PCDHGA4: variants seen among roughly 807,000 people sequenced by gnomAD.
PCDHGA4 encodes protocadherin gamma subfamily A, 4.
A neutral mutation model predicts 54.6 loss-of-function variants in PCDHGA4; 38 were observed. The observed-to-expected ratio is 0.70, with a 90% CI of 0.54 to 0.91. PCDHGA4 has a LOEUF of 0.91. Among genes scored for constraint, PCDHGA4 ranks in the 40% least tolerant of loss-of-function variants. The probability of loss-of-function intolerance (pLI) is 0.00; values close to 1 mark genes in which losing one functional copy is unlikely to be tolerated. For missense variants in PCDHGA4, 1,298 were observed against 1,220.9 expected, an observed-to-expected ratio of 1.06 and a Z score of -0.94; for synonymous variants, 511 against 512.9, an observed-to-expected ratio of 1.00 and a Z score of 0.05.
chr5:141,361,085 T>C (rs1370734809), intron 1 of PCDHGA4: 1 of 1,613,896 alleles, frequency 6.2e-7, no homozygotes, highest in Non-Finnish European at 8.5e-7. Flanking sequence ...AGTTACACTC[T>C]GAGTATCGAA....
Position 141,511,103 on chromosome 5 carries a change from A to G in PCDHGA4, c.2819A>G (p.Lys940Arg), listed in dbSNP as rs779731716. The G allele has an allele frequency of 6.2e-7, 1 of 1,614,214 alleles. No individual in the cohort carries two copies. The highest frequency in any genetic ancestry group is 8.5e-7 in the Non-Finnish European group (1 of 1,180,026). The change falls in exon 4 of 4, where the codon AAG becomes AGG. Residue 940 changes from lysine to arginine, a missense_variant. By Grantham distance (26) the Lys-to-Arg change is conservative. Coordinates refer to ENST00000571252, the MANE Select transcript of PCDHGA4 (RefSeq NM_018917.4). ...SNATLTNAAGKRDGKAPAGGN... is the reference protein window; with the variant it reads ...SNATLTNAAGRRDGKAPAGGN... ...GCCACACTGACCAACGCAGCTGGCA[A>G]GCGGGATGGCAAGGCCCCAGCAGGT...
intron 1 of PCDHGA4, chr5:141,375,548 T>C (rs748936121): frequency 1.1e-5 from 17 of 1,613,892 alleles, no homozygotes; most frequent in Non-Finnish European, 9.3e-6. Flanking sequence ...CCAAGTCTCC[T>C]ACTCACTGGC....
chr5:141,414,867 C>T (rs2095797355), intron 1 of PCDHGA4: 9 of 1,614,230 alleles, frequency 5.6e-6, no homozygotes, highest in South Asian at 1.1e-5. Flanking sequence ...ACAATGCGCC[C>T]GAGATCCTGT....
At chr5:141,366,088 C>G (rs752144187) in intron 1 of PCDHGA4, 2 of 1,614,256 alleles carry the variant, frequency 1.2e-6, no homozygotes, top group South Asian at 2.2e-5. Context: ...AACCTGGCTA[C>G]CTGGTGACCA....
Position 141,489,089 on chromosome 5 carries a change from A to G in PCDHGA4, c.2515-5718A>G. 5.6e-5 allele frequency: 16 copies of G among 284,404 alleles called. No individual in the cohort carries two copies. The highest frequency in any genetic ancestry group is 9.0e-5 in the Non-Finnish European group (14 of 156,416). The allele number at this position is 284,404 out of a possible 1,614,324, so 17.6% of individuals were successfully genotyped here. On this transcript the variant is annotated intron_variant, in intron 1 of 3. Coordinates refer to ENST00000571252, the MANE Select transcript of PCDHGA4 (RefSeq NM_018917.4). The surrounding 1 kb of genome is among the most constrained non-coding windows in gnomAD (Gnocchi z 4.5). ...CCCTGCCCACCCCCGCCACTCGGTG[A>G]CTAAGAACTGCTGCAAGCAGGCAAA...
At chr5:141,435,413 A>G (rs1422263053) in intron 1 of PCDHGA4, among the ~76,000 whole-genome samples, 1 of 152,122 alleles carries the variant, frequency 6.6e-6, no homozygotes, top group Admixed American at 6.5e-5. Flanking sequence ...GGTAAAGACT[A>G]TTTTTCACTT....
intron 1 of PCDHGA4, chr5:141,416,995 T>G (rs912921234): frequency 2.0e-5 from 3 of 151,486 alleles, no homozygotes; most frequent in Non-Finnish European, 2.9e-5. Flanking sequence ...TGTGCATTCA[T>G]CTCAAATAAT....
At chr5:141,359,845 CTT>C (rs1274862638) in intron 1 of PCDHGA4, among the ~76,000 whole-genome samples, 2 of 152,024 alleles carry the variant, frequency 1.3e-5, no homozygotes, top group African/African-American at 2.4e-5. Flanking sequence ...CAAATGAAGA[CTT>C]TATAAATTAA....
At chr5:141,402,947 G>A in intron 1 of PCDHGA4, 1 of 1,592,724 alleles carries the variant, frequency 6.3e-7, no homozygotes, top group South Asian at 1.1e-5. Flanking sequence ...CCAAAGCGAG[G>A]CAGCAATGGC....
rs1186240180 is a variant in PCDHGA4, at chr5:141,432,270, A to T, written c.2515-62537A>T. On this transcript the variant is annotated intron_variant, in intron 1 of 3. Transcript: ENST00000571252. The surrounding 1 kb of genome is among the most constrained non-coding windows in gnomAD (Gnocchi z 6.0). ...ATCCAAGGGGCAAGCCTATCGTCCT[A>T]CGTGTCCATCAACTCCGACACTGGG... 1 of 1,614,024 alleles carries T rather than the reference A, an allele frequency of 6.2e-7. No homozygotes were observed. The highest frequency in any genetic ancestry group is 8.5e-7 in the Non-Finnish European group (1 of 1,180,028).
intron 1 of PCDHGA4, chr5:141,419,926 G>C (rs1371764532): frequency 7.4e-6 from 12 of 1,613,978 alleles, no homozygotes; most frequent in Non-Finnish European, 8.5e-6. Flanking sequence ...CTGAGATGCA[G>C]TTTTACCTGG....
chr5:141,505,143 C>G lies in PCDHGA4; in HGVS notation c.2574-250C>G, dbSNP rs578261428. ...CGCCACTGCACTCCAGCCTGGATGA[C>G]AGAGTAAGACCCTGTCTAAAACAAA... On this transcript the variant is annotated intron_variant, in intron 2 of 3. Coordinates refer to ENST00000571252, the MANE Select transcript of PCDHGA4 (RefSeq NM_018917.4). Among the ~76,000 whole-genome samples the G allele has an allele frequency of 3.3e-5, 5 of 152,290 alleles. No homozygotes were observed. The East Asian group carries it at 7.7e-4, about 24-fold the overall frequency.
intron 1 of PCDHGA4, chr5:141,394,386 A>T (rs765454423): frequency 1.2e-6 from 2 of 1,614,210 alleles, no homozygotes; most frequent in South Asian, 1.1e-5. Context: ...CTATGAGCAG[A>T]TCCGAGACCT....
intron 3 of PCDHGA4, among the ~76,000 whole-genome samples, chr5:141,506,444 CA>C (rs1219684339): frequency 0.54 from 51,660 of 95,006 alleles, 10,715 homozygotes; most frequent in African/African-American, 0.61. Context: ...CGCTCTGTCT[CA>C]AAAAAAAAAA....
chr5:141,489,348 G>T lies in PCDHGA4; in HGVS notation c.2515-5459G>T. On this transcript the variant is annotated intron_variant, in intron 1 of 3. Coordinates refer to ENST00000571252, the MANE Select transcript of PCDHGA4 (RefSeq NM_018917.4). The surrounding 1 kb of genome is among the most constrained non-coding windows in gnomAD (Gnocchi z 4.5). ...CTGGGCAGCTTCGTTACTCAGTGGT[G>T]GAGGAGTCTGAGCCGGGGACGCTGG... is the stretch of plus-strand genomic sequence containing the variant. 1 of 1,611,876 alleles carries T rather than the reference G, an allele frequency of 6.2e-7. No homozygotes were observed. The highest frequency in any genetic ancestry group is 8.5e-7 in the Non-Finnish European group (1 of 1,178,502).
chr5:141,420,477 A>T (rs1469261817), intron 1 of PCDHGA4: 3 of 626,262 alleles, frequency 4.8e-6, no homozygotes, highest in Non-Finnish European at 7.0e-6. Flanking sequence ...TTTAAAGCAA[A>T]CTACATGGGT....
intron 1 of PCDHGA4, among the ~76,000 whole-genome samples, chr5:141,397,036 T>G (rs2093467467): frequency 2.0e-5 from 3 of 152,222 alleles, no homozygotes. Context: ...TGTCCACAAA[T>G]TTATGTAAAT....
chr5:141,496,338 G>A (rs1011495959), intron 2 of PCDHGA4, among the ~76,000 whole-genome samples: 5 of 152,230 alleles, frequency 3.3e-5, no homozygotes, highest in African/African-American at 9.6e-5. Flanking sequence ...TCAGGAGCCT[G>A]GAGGAGTCTC....
chr5:141,374,090 C>T, intron 1 of PCDHGA4: 1 of 1,535,464 alleles, frequency 6.5e-7, no homozygotes, highest in Non-Finnish European at 8.8e-7. Context: ...AGTAATGGCG[C>T]CTCCGCAGAG....
Sources: gnomAD v4.1 joint callset for allele counts (sites outside exome capture counted in the v4.1 genomes callset) on GRCh38, gnomAD v4.1.1 for gene constraint, Gnocchi (gnomAD v3.1) non-coding constraint, MANE v1.5 for transcripts, NCBI Gene and HGNC (gene_info 2026-07-23, HGNC 2026-07-21) for gene names.